The following ANO4 variants were observed in gnomAD, a reference collection of about 807,000 sequenced individuals.
The protein encoded by ANO4 is anoctamin-4.
Under a neutral mutation model 141.9 loss-of-function variants are expected in ANO4, and 69 were observed. The observed-to-expected ratio is 0.49, with a 90% CI of 0.40 to 0.59. ANO4 has a LOEUF of 0.59. Among genes scored for constraint, ANO4 ranks in the 20% least tolerant of loss-of-function variants. The probability of loss-of-function intolerance (pLI) is 0.00; values close to 1 mark genes in which losing one functional copy is unlikely to be tolerated. For missense variants in ANO4, 894 were observed against 1,162.2 expected (o/e 0.77, Z 3.36); for synonymous variants, 350 against 394.3 (o/e 0.89, Z 1.33).
intron 14 of ANO4, among the ~76,000 whole-genome samples, chr12:101,071,520 G>T (rs1392334924): frequency 1.3e-5 from 2 of 151,826 alleles, no homozygotes; most frequent in Admixed American, 6.6e-5. Context: ...TAGAAAGATG[G>T]TTACCAGAGG....
At chr12:100,757,736 A>G (rs1448285453) in intron 3 of ANO4, among the ~76,000 whole-genome samples, 1 of 152,230 alleles carries the variant, frequency 6.6e-6, no homozygotes, top group Non-Finnish European at 1.5e-5. Context: ...TCTTTATAAA[A>G]TGGGAACAGT....
chr12:100,725,343 CTTTT>C (rs5800419), intron 1 of ANO4, among the ~76,000 whole-genome samples: 2 of 114,950 alleles, frequency 1.7e-5, no homozygotes, highest in Non-Finnish European at 3.5e-5. Context: ...AAATTGGTAT[CTTTT>C]TTTTTTTTTT....
chr12:101,085,429 A>C (rs1566227163), intron 16 of ANO4, among the ~76,000 whole-genome samples: 2 of 152,170 alleles, frequency 1.3e-5, no homozygotes, highest in Non-Finnish European at 2.9e-5. Context: ...ACATGTCATT[A>C]TTTCCTAAAC....
chr12:100,978,890 G>T (rs956358095), intron 7 of ANO4, among the ~76,000 whole-genome samples: 4 of 152,154 alleles, frequency 2.6e-5, no homozygotes, highest in Middle Eastern at 3.2e-3. Context: ...GATTTCTTAG[G>T]TGTTGGTGTC....
chr12:100,744,184 T>C (rs1593256069), intron 3 of ANO4, among the ~76,000 whole-genome samples: 1 of 152,252 alleles, frequency 6.6e-6, no homozygotes, highest in East Asian at 1.9e-4. Flanking sequence ...AAAACTTATA[T>C]ATCCCGAATG....
intron 17 of ANO4, among the ~76,000 whole-genome samples, chr12:101,087,588 G>C (rs2049559548): frequency 6.6e-6 from 1 of 152,076 alleles, no homozygotes; most frequent in African/African-American, 2.4e-5. Flanking sequence ...AAACCGCCAA[G>C]CTGGTACATA....
At chr12:100,951,253 A>G (rs2042959104) in intron 5 of ANO4, among the ~76,000 whole-genome samples, 2 of 152,224 alleles carry the variant, frequency 1.3e-5, no homozygotes, top group South Asian at 4.1e-4. Flanking sequence ...TGTCAGTTCA[A>G]TCACTGTGGA....
At chr12:100,868,555 C>T (rs1401427559) in intron 1 of ANO4, among the ~76,000 whole-genome samples, 2 of 152,140 alleles carry the variant, frequency 1.3e-5, no homozygotes, top group Admixed American at 6.5e-5. Context: ...GTCTCCCTTA[C>T]TCTTGGGTTC....
At chr12:100,972,517 T>C (rs1012664191) in intron 6 of ANO4, among the ~76,000 whole-genome samples, 3 of 152,222 alleles carry the variant, frequency 2.0e-5, no homozygotes, top group African/African-American at 7.2e-5. Flanking sequence ...TCTGATCTTA[T>C]GATTTATTTT....
At chr12:100,971,447 C>G in intron 6 of ANO4, 41 bp downstream of exon 6, 1 of 1,365,594 alleles carries the variant, frequency 7.3e-7, no homozygotes, top group Admixed American at 1.7e-5. Context: ...TCTGCTGCTT[C>G]ACTGTAAATC....
intron 17 of ANO4, 48 bp downstream of exon 17, chr12:101,086,872 G>A: frequency 1.9e-6 from 3 of 1,588,678 alleles, no homozygotes; most frequent in Non-Finnish European, 2.6e-6. Flanking sequence ...TGTGTGGGCT[G>A]CAAGTGACAG....
intron 1 of ANO4, among the ~76,000 whole-genome samples, chr12:100,723,604 G>A (rs1357817510): frequency 1.3e-5 from 2 of 152,166 alleles, no homozygotes; most frequent in Admixed American, 6.5e-5. Context: ...CACGGGAAAC[G>A]TGGACTAAAT....
chr12:101,066,071 G>C (rs184896193), intron 14 of ANO4, among the ~76,000 whole-genome samples: 1 of 152,250 alleles, frequency 6.6e-6, no homozygotes, highest in East Asian at 1.9e-4. Flanking sequence ...ATTTATTCAT[G>C]ATAAAAACCC....
At chr12:100,905,368 C>T (rs746272081) in intron 2 of ANO4, among the ~76,000 whole-genome samples, 15 of 151,950 alleles carry the variant, frequency 9.9e-5, no homozygotes, top group Admixed American at 7.9e-4. Context: ...ACATGAACCA[C>T]GAGCAAGAAG....
intron 19 of ANO4, 54 bp from the exon 20 acceptor site, chr12:101,097,597 G>A (rs1842888): frequency 0.41 from 626,379 of 1,516,532 alleles, 134,393 homozygotes; most frequent in African/African-American, 0.73. Flanking sequence ...TGTAATATTC[G>A]CTGAAAGCTT....
At chr12:101,005,847 T>C (rs2045850167) in intron 8 of ANO4, among the ~76,000 whole-genome samples, 1 of 152,160 alleles carries the variant, frequency 6.6e-6, no homozygotes, top group Non-Finnish European at 1.5e-5. Flanking sequence ...AGGATATTAC[T>C]TTTTTCTCTT....
chr12:100,786,148 G>T (rs2033867605), intron 3 of ANO4, among the ~76,000 whole-genome samples: 1 of 152,174 alleles, frequency 6.6e-6, no homozygotes, highest in African/African-American at 2.4e-5. Context: ...TCTGCTTATG[G>T]ATCAGCAACA....
At chr12:101,009,700 C>T (rs2046004436) in intron 8 of ANO4, among the ~76,000 whole-genome samples, 3 of 151,984 alleles carry the variant, frequency 2.0e-5, no homozygotes. Flanking sequence ...TGATGTGGTT[C>T]TATGTTTACT....
chr12:100,746,668 T>C (rs2032125276), intron 3 of ANO4, among the ~76,000 whole-genome samples: 1 of 152,144 alleles, frequency 6.6e-6, no homozygotes, highest in East Asian at 1.9e-4. Context: ...GGGATACTGC[T>C]AAACATCCTA....
Sources: allele counts gnomAD v4.1 joint callset (sites outside exome capture counted in the v4.1 genomes callset), GRCh38; gene constraint gnomAD v4.1.1; transcripts MANE v1.5; gene names NCBI Gene and HGNC (gene_info 2026-07-23, HGNC 2026-07-21).